The following MAB21L4 variants were observed in gnomAD, a reference collection of about 807,000 sequenced individuals.
MAB21L4 encodes the protein protein mab-21-like 4.
A neutral mutation model predicts 32.4 loss-of-function variants in MAB21L4; 25 were observed. That is an observed-to-expected ratio of 0.77 (90% CI 0.56 to 1.08). The LOEUF (loss-of-function observed/expected upper bound fraction) is 1.08. Among genes scored for constraint, MAB21L4 ranks in the 50% least tolerant of loss-of-function variants. MAB21L4 has a pLI of 0.00. For synonymous variants in MAB21L4, 280 were observed against 276.8 expected, an observed-to-expected ratio of 1.01 and a Z score of -0.11; for missense variants, 638 against 611.0, an observed-to-expected ratio of 1.04 and a Z score of -0.47.
In MAB21L4 at chr2:240,895,856, C is replaced by T; in HGVS notation, c.142G>A (p.Glu48Lys). ...CGGGGGTCCAGGGCATGCACGCGCT[C>T]CAGCACCGTGAGCAGCACGTTCTCT... ...RAENVLLTVL[E>K]RVHALDPRFI... Residue 48 changes from glutamate (E) to lysine (K), a missense_variant, in exon 1 of 5, where the codon GAG becomes AAG. By Grantham distance (56) the Glu-to-Lys change is moderately conservative. Coordinates refer to ENST00000388934, the MANE Select transcript of MAB21L4 (RefSeq NM_001085437.3). 6.4e-7 allele frequency: 1 copy of T among 1,568,206 alleles called. No individual in the cohort carries two copies. The highest frequency in any genetic ancestry group is 8.7e-7 in the Non-Finnish European group (1 of 1,154,774).
intron 1 of MAB21L4, among the ~76,000 whole-genome samples, chr2:240,893,032 G>T (rs192752683): frequency 6.6e-6 from 1 of 152,152 alleles, no homozygotes; most frequent in South Asian, 2.1e-4. Flanking sequence ...CACGGCCCCC[G>T]CCTGACACTG....
intron 3 of MAB21L4, 120 bp downstream of exon 3, chr2:240,889,885 A>T: frequency 6.5e-6 from 8 of 1,228,558 alleles, no homozygotes; most frequent in Non-Finnish European, 8.9e-6. Context: ...AATCCCCCCA[A>T]CTCCGACTTG....
rs2059095587 is a variant in MAB21L4 at position 240,886,459 on chromosome 2, T to A, written c.*611A>T. The A allele has an allele frequency of 6.6e-6, 1 of 152,294 alleles. No individual in the cohort carries two copies. The highest frequency in any genetic ancestry group is 2.1e-4 in the South Asian group (1 of 4,830). The allele number at this position is 152,294 out of a possible 1,614,324, so 9.4% of individuals were successfully genotyped here. Reference sequence around the variant, plus strand: ...GACGGGAAGAAGCAGATGGGAGTAGTCCTGGGCAGGTGGGCTCATGGCTGT... The same window carrying A: ...GACGGGAAGAAGCAGATGGGAGTAGACCTGGGCAGGTGGGCTCATGGCTGT... On this transcript the variant is annotated 3_prime_UTR_variant, in exon 5 of 5. Transcript: ENST00000388934.
rs1214639965 is a variant in MAB21L4 at position 240,896,043 on chromosome 2, T to A, written c.-46A>T. ...AGGGCCAGTGGCCCCTGAGGAGGAC[T>A]CCGCAGGCCAGCTGTGCAGATGGGC... On this transcript the variant is annotated 5_prime_UTR_variant, in exon 1 of 5. Coordinates refer to ENST00000388934, the MANE Select transcript of MAB21L4 (RefSeq NM_001085437.3). 7.1e-7 allele frequency: 1 copy of A among 1,413,288 alleles called. No homozygotes were observed. The highest frequency in any genetic ancestry group is 9.2e-7 in the Non-Finnish European group (1 of 1,088,384). 87.5% of individuals were successfully genotyped at this position (1,413,288 alleles called of 1,614,324 possible). A position where few individuals can be genotyped will look rare whatever the true frequency, so the allele number is the denominator to read the frequency against.
At position 240,891,677 on chromosome 2, in the gene MAB21L4, C is replaced by T. The variant is rs1268009823; in HGVS notation, c.601G>A (p.Val201Met). The change falls in exon 2 of 5, where the codon GTG becomes ATG. Residue 201 changes from valine to methionine, a missense_variant. Physicochemically the swap from Val to Met is conservative, Grantham distance 21. Transcript: ENST00000388934. ...SSGWRTISFH[V>M]VPVVRRKLGA... ...AGCTTCCTTCTCACCACGGGCACCA[C>T]GTGGAAGCTGATTGTTCTCCAGCCG... The T allele has an allele frequency of 1.9e-6, 3 of 1,609,346 alleles. No homozygotes were observed. The highest frequency in any genetic ancestry group is 2.5e-6 in the Non-Finnish European group (3 of 1,179,984).
At chr2:240,887,319 G>A (rs73108528) in intron 4 of MAB21L4, among the ~76,000 whole-genome samples, 157 bp from the exon 5 acceptor site, 1,614 of 152,324 alleles carry the variant, frequency 0.011, 24 homozygotes, top group African/African-American at 0.036. Context: ...TCCTAGAGGC[G>A]GAGCGGCCCC....
At chr2:240,895,050 G>A (rs978721695) in intron 1 of MAB21L4, among the ~76,000 whole-genome samples, 3 of 152,160 alleles carry the variant, frequency 2.0e-5, no homozygotes, top group Admixed American at 1.3e-4. Context: ...GGATGGCCTC[G>A]GGGAGCCTCG....
chr2:240,890,657 T>G (rs1336364573), intron 2 of MAB21L4, among the ~76,000 whole-genome samples: 1 of 152,168 alleles, frequency 6.6e-6, no homozygotes. Context: ...GCCTTGGCAA[T>G]GCACCCTCAT....
chr2:240,895,747 G>C lies in MAB21L4; in HGVS notation c.251C>G (p.Pro84Arg). The C allele has an allele frequency of 6.2e-7, 1 of 1,612,844 alleles. No homozygotes were observed. Among genetic ancestry groups the C allele is most frequent in the Non-Finnish European group, 8.5e-7 (1 of 1,179,962 alleles). Residue 84 changes from proline (P) to arginine (R), a missense_variant, in exon 1 of 5, where the codon CCC becomes CGC. By Grantham distance (103) the Pro-to-Arg change is moderately radical. Transcript: ENST00000388934. ...TAGAGCCTCGGCATCCACCCACAGGGGCACCTCCATGTCCATTGGGTCCTC... is the reference window on the plus strand; with the variant it reads ...TAGAGCCTCGGCATCCACCCACAGGCGCACCTCCATGTCCATTGGGTCCTC... ...SSEDPMDMEV[P>R]LWVDAEALLI...
chr2:240,890,112 A>G lies in MAB21L4; in HGVS notation c.787T>C (p.Ser263Pro). 1 of 1,611,902 alleles carries G rather than the reference A, an allele frequency of 6.2e-7. No individual in the cohort carries two copies. Among genetic ancestry groups the G allele is most frequent in the South Asian group, 1.1e-5 (1 of 91,002 alleles). The change falls in exon 3 of 5, where the codon TCC becomes CCC. Residue 263 changes from serine (S) to proline (P), a missense_variant. Ser to Pro is a moderately conservative substitution (Grantham distance 74, BLOSUM62 -1). Coordinates refer to ENST00000388934, the MANE Select transcript of MAB21L4 (RefSeq NM_001085437.3). The stretch of plus-strand genomic sequence containing the variant: ...CTGTCCAGGCGATGACCCTGCAGGG[A>G]GCCCAGCTCCCCCAGCAGCCTCGTG... ...LLTRLLGELG[S>P]LQGHRLDSLS...
At chr2:240,896,749 TCCCCACCCCA>T (rs1182353848), upstream of MAB21L4, 1 of 149,174 alleles carries the variant, frequency 6.7e-6, no homozygotes, top group African/African-American at 2.5e-5. Context: ...GGGCTACCAG[TCCCCACCCCA>T]CCCCACCCCA....
chr2:240,888,266 C>T, intron 4 of MAB21L4, 26 bp downstream of exon 4: 1 of 1,508,784 alleles, frequency 6.6e-7, no homozygotes, highest in Non-Finnish European at 8.9e-7. Context: ...CCGGGCCTGC[C>T]CAAGGCCCCC....
chr2:240,888,738 C>T, intron 3 of MAB21L4, 90 bp from the exon 4 acceptor site: 1 of 932,454 alleles, frequency 1.1e-6, no homozygotes, highest in Non-Finnish European at 1.5e-6. Flanking sequence ...CCCTGGCTGC[C>T]CCTCCCTGCT....
intron 1 of MAB21L4, 131 bp from the exon 2 acceptor site, chr2:240,891,894 C>A: frequency 1.3e-6 from 2 of 1,576,224 alleles, no homozygotes; most frequent in East Asian, 2.3e-5. Flanking sequence ...TCTGCTGGCC[C>A]CCACCTGCAG....
intron 1 of MAB21L4, among the ~76,000 whole-genome samples, chr2:240,893,854 C>G (rs1313283767): frequency 2.0e-5 from 3 of 151,806 alleles, no homozygotes; most frequent in Admixed American, 6.6e-5. Flanking sequence ...GGGACAGGGC[C>G]AAGTGAGGTC....
chr2:240,891,468 G>C (rs1036085252), intron 2 of MAB21L4, 70 bp downstream of exon 2: 2 of 1,407,288 alleles, frequency 1.4e-6, no homozygotes, highest in African/African-American at 2.9e-5. Context: ...CTGGGGCCAG[G>C]GGAGCATGGG....
intron 1 of MAB21L4, chr2:240,892,163 CCAA>C: frequency 2.3e-6 from 2 of 868,490 alleles, no homozygotes; most frequent in Non-Finnish European, 3.3e-6. Context: ...AGCCCTGGGG[CCAA>C]AGTCCCAGCC....
chr2:240,888,261 C>T, intron 4 of MAB21L4, 31 bp downstream of exon 4: 2 of 1,496,788 alleles, frequency 1.3e-6, no homozygotes, highest in Non-Finnish European at 1.8e-6. Flanking sequence ...TGCCCCCGGG[C>T]CTGCCCAAGG....
At position 240,889,986 on chromosome 2, in the gene MAB21L4, C is replaced by T. The variant is rs368651713; in HGVS notation, c.894+19G>A. On this transcript the variant is annotated intron_variant, in intron 3 of 4. Coordinates refer to ENST00000388934, the MANE Select transcript of MAB21L4 (RefSeq NM_001085437.3). ...TGGGCCCTGGTGACAGACAACCCGC[C>T]GAGTCCCGCCCTGGGTACCTTCAGG... The T allele has an allele frequency of 9.0e-5, 143 of 1,592,756 alleles. 1 individual carries two copies. In the African/African-American group the frequency reaches 1.6e-3, roughly 18 times the overall value.
Sources: gnomAD v4.1 joint callset for allele counts (sites outside exome capture counted in the v4.1 genomes callset) on GRCh38, gnomAD v4.1.1 for gene constraint, MANE v1.5 for transcripts, NCBI Gene and HGNC (gene_info 2026-07-23, HGNC 2026-07-21) for gene names.